Variants in ANKRD13A observed in about 807,000 individuals in gnomAD.
ANKRD13A encodes the protein ankyrin repeat domain-containing protein 13A.
A neutral mutation model predicts 81.3 loss-of-function variants in ANKRD13A; 48 were observed. The ratio of observed to expected loss-of-function variants is 0.59; its 90% CI spans 0.47 to 0.75. The LOEUF is 0.75. Ranked by LOEUF, ANKRD13A falls within the 30% of genes least tolerant of loss-of-function variation. ANKRD13A has a pLI of 0.00. For missense variants in ANKRD13A, 612 were observed against 734.0 expected (o/e 0.83, Z 1.92); for synonymous variants, 230 against 270.1 (o/e 0.85, Z 1.45).
intron 4 of ANKRD13A, 67 bp downstream of exon 4, chr12:110,016,500 T>C: frequency 7.0e-7 from 1 of 1,432,246 alleles, no homozygotes; most frequent in Non-Finnish European, 9.5e-7. Flanking sequence ...GTAGGTTTAT[T>C]TTTCCTTTGT....
At chr12:110,010,487 G>T (rs1890463220) in intron 1 of ANKRD13A, among the ~76,000 whole-genome samples, 1 of 152,204 alleles carries the variant, frequency 6.6e-6, no homozygotes, top group Non-Finnish European at 1.5e-5. Flanking sequence ...TAAGGTAAGA[G>T]AATCTAGAAG....
chr12:110,031,952 T>G (rs1891720384), intron 12 of ANKRD13A, among the ~76,000 whole-genome samples: 1 of 152,224 alleles, frequency 6.6e-6, no homozygotes, highest in South Asian at 2.1e-4. Context: ...GTCTTACACT[T>G]TTTTGTAGAT....
At chr12:110,020,223 T>A (rs2137130445) in intron 6 of ANKRD13A, among the ~76,000 whole-genome samples, 1 of 152,324 alleles carries the variant, frequency 6.6e-6, no homozygotes, top group South Asian at 2.1e-4. Flanking sequence ...TTGTCTAGAA[T>A]GCCACATCCA....
chr12:110,009,828 T>C (rs1227827384), intron 1 of ANKRD13A, among the ~76,000 whole-genome samples: 1 of 152,230 alleles, frequency 6.6e-6, no homozygotes, highest in Non-Finnish European at 1.5e-5. Flanking sequence ...CATCTCTAAC[T>C]GTTGCCCAGG....
Position 110,018,451 on chromosome 12 carries a change from G to A in ANKRD13A, c.507G>A (p.Trp169Ter). 1 of 1,614,208 alleles carries A rather than the reference G, an allele frequency of 6.2e-7. No individual in the cohort carries two copies. The highest frequency in any genetic ancestry group is 8.5e-7 in the Non-Finnish European group (1 of 1,180,024). ...TGCTGGGATTTGAAAACATGAGCTGGATAAGAGGGAGGCGTAGTTTTATAT... is the reference window on the plus strand; with the variant it reads ...TGCTGGGATTTGAAAACATGAGCTGAATAAGAGGGAGGCGTAGTTTTATAT... Reference protein sequence around the residue: ...ITLLGFENMSWIRGRRSFIFK... With the variant: ...ITLLGFENMS The change falls in exon 5 of 15, where the codon TGG becomes TGA. Residue 169 changes from tryptophan (W) to a stop codon, truncating the protein, a stop_gained. Coordinates refer to ENST00000261739, the MANE Select transcript of ANKRD13A (RefSeq NM_033121.2). LOFTEE classifies it high-confidence loss of function. This position sits in a 1 kb window ranked among gnomAD's most constrained non-coding sequence, Gnocchi z 4.4.
intron 1 of ANKRD13A, among the ~76,000 whole-genome samples, chr12:110,004,881 G>A (rs1890161401): frequency 6.6e-6 from 1 of 152,128 alleles, no homozygotes; most frequent in Non-Finnish European, 1.5e-5. Flanking sequence ...AGAACTGTAA[G>A]GTAGGTTTTT....
chr12:110,013,877 A>C (rs1220395511), intron 3 of ANKRD13A, among the ~76,000 whole-genome samples: 1 of 152,164 alleles, frequency 6.6e-6, no homozygotes, highest in Non-Finnish European at 1.5e-5. Flanking sequence ...TAATTTGTTT[A>C]GGTGCCTGTT....
intron 8 of ANKRD13A, among the ~76,000 whole-genome samples, chr12:110,026,363 C>CGGG (rs1201821903): frequency 2.0e-5 from 3 of 150,498 alleles, no homozygotes; most frequent in Non-Finnish European, 3.0e-5. Flanking sequence ...CACCTGAGGT[C>CGGG]GGGAATTCAA....
At chr12:110,014,938 C>A (rs964921892) in intron 3 of ANKRD13A, among the ~76,000 whole-genome samples, 3 of 152,026 alleles carry the variant, frequency 2.0e-5, no homozygotes, top group Non-Finnish European at 4.4e-5. Flanking sequence ...CGCCCACCAC[C>A]GCGCCCGGCT....
At chr12:110,030,172 CT>C (rs111243781) in intron 11 of ANKRD13A, among the ~76,000 whole-genome samples, 123 of 143,464 alleles carry the variant, frequency 8.6e-4, no homozygotes, top group Non-Finnish European at 7.8e-4. Context: ...CTCATTTTCT[CT>C]TTTTTTTTTT....
At position 110,030,720 on chromosome 12, in the gene ANKRD13A, CTG is replaced by C; in HGVS notation, c.1312_1313del (p.Val438IlefsTer10). On this transcript the variant is annotated frameshift_variant, in exon 12 of 15. Coordinates refer to ENST00000261739, the MANE Select transcript of ANKRD13A (RefSeq NM_033121.2). LOFTEE classifies it high-confidence loss of function. Reference sequence around the variant, plus strand: ...AATGGCTGTAGCACTGCCGAAGAATCTGTATCTCAAAATGTGGAAGGGACCCA... The same window carrying C: ...AATGGCTGTAGCACTGCCGAAGAATCTATCTCAAAATGTGGAAGGGACCCA... The C allele has an allele frequency of 6.2e-7, 1 of 1,609,200 alleles. No individual in the cohort carries two copies. The highest frequency in any genetic ancestry group is 1.1e-5 in the South Asian group (1 of 90,124).
chr12:110,013,061 T>C, intron 2 of ANKRD13A, 64 bp from the exon 3 acceptor site: 1 of 1,587,010 alleles, frequency 6.3e-7, no homozygotes, highest in Non-Finnish European at 8.6e-7. Context: ...TAGATACTTT[T>C]TCAGCCTGGT....
chr12:110,027,671 A>C, intron 8 of ANKRD13A, 34 bp from the exon 9 acceptor site: 2 of 1,603,826 alleles, frequency 1.2e-6, no homozygotes, highest in Non-Finnish European at 1.7e-6. Flanking sequence ...AGTGAGATAT[A>C]ATATTAGACT....
At position 110,029,521 on chromosome 12, in the gene ANKRD13A, C is replaced by T; in HGVS notation, c.1120C>T (p.Leu374=). 6.2e-7 allele frequency: 1 copy of T among 1,613,976 alleles called. No homozygotes were observed. Among genetic ancestry groups the T allele is most frequent in the Non-Finnish European group, 8.5e-7 (1 of 1,179,828 alleles). ...GATGTGTGAAGAGTTTCCCCTCTCTCTGGTGGAGCAGGTCATTCCCATCAT... is the reference window on the plus strand; with the variant it reads ...GATGTGTGAAGAGTTTCCCCTCTCTTTGGTGGAGCAGGTCATTCCCATCAT... The part of the protein sequence containing the change: ...LWMCEEFPLS[L]VEQVIPIIDL... The change falls in exon 11 of 15, where the codon CTG becomes TTG. Residue 374 remains leucine, a synonymous_variant. Transcript: ENST00000261739.
intron 1 of ANKRD13A, among the ~76,000 whole-genome samples, chr12:110,001,657 C>G (rs530800600): frequency 7.9e-5 from 12 of 152,082 alleles, no homozygotes; most frequent in Non-Finnish European, 1.6e-4. Flanking sequence ...TGGCCTCAAG[C>G]AATCCGCCCA....
chr12:110,021,133 C>G, intron 6 of ANKRD13A: 2 of 457,058 alleles, frequency 4.4e-6, no homozygotes, highest in South Asian at 3.1e-5. Flanking sequence ...CAAGCTAACT[C>G]TTTTGCAACT....
At chr12:110,020,084 C>T (rs535883629) in intron 6 of ANKRD13A, among the ~76,000 whole-genome samples, 1 of 151,944 alleles carries the variant, frequency 6.6e-6, no homozygotes, top group Non-Finnish European at 1.5e-5. Flanking sequence ...TTTCTGCAAG[C>T]CAAAGTAGCT....
Position 110,019,190 on chromosome 12 carries a change from C to A in ANKRD13A, c.596C>A (p.Thr199Asn), listed in dbSNP as rs748914527. The change falls in exon 6 of 15, where the codon ACC becomes AAC. Residue 199 changes from threonine (T) to asparagine (N), a missense_variant. Coordinates refer to ENST00000261739, the MANE Select transcript of ANKRD13A (RefSeq NM_033121.2). ...AACCATGATGACAAAGTGGTCACCA[C>A]CGAACGCTTCGACCTTTCCCAAGAA... ...EVNHDDKVVT[T>N]ERFDLSQEME... The A allele has an allele frequency of 6.2e-6, 10 of 1,613,726 alleles. No individual in the cohort carries two copies. Among genetic ancestry groups the A allele is most frequent in the South Asian group, 3.3e-5 (3 of 91,034 alleles).
chr12:110,029,695 CATGTGGGTGGCAGG>C (rs2137165465), intron 11 of ANKRD13A, 60 bp downstream of exon 11: 3 of 1,581,854 alleles, frequency 1.9e-6, no homozygotes, highest in African/African-American at 1.3e-5. Context: ...TGGGTGGCAG[CATGTGGGTGGCAGG>C]ATGCTTCAGG....
Sources: gnomAD v4.1 joint callset for allele counts (sites outside exome capture counted in the v4.1 genomes callset) on GRCh38, gnomAD v4.1.1 for gene constraint, Gnocchi (gnomAD v3.1) non-coding constraint, MANE v1.5 for transcripts, NCBI Gene and HGNC (gene_info 2026-07-23, HGNC 2026-07-21) for gene names.